The following PRIMA1 variants were observed in gnomAD, a reference collection of about 807,000 sequenced individuals.
PRIMA1 encodes proline-rich membrane anchor 1.
Under a neutral mutation model 17.5 loss-of-function variants are expected in PRIMA1, and 7 were observed. That is an observed-to-expected ratio of 0.40 (90% confidence interval 0.23 to 0.75). The LOEUF (loss-of-function observed/expected upper bound fraction) is 0.75, where lower values mean the gene tolerates loss of function less well. Ranked by LOEUF, PRIMA1 falls within the 30% of genes least tolerant of loss-of-function variation. The pLI is 0.37. For missense variants in PRIMA1, 200 were observed against 201.8 expected (o/e 0.99, Z 0.05); for synonymous variants, 97 against 77.9 (o/e 1.25, Z -1.29).
At chr14:93,722,798 T>C (rs2076050739) in intron 4 of PRIMA1, among the ~76,000 whole-genome samples, 1 of 152,152 alleles carries the variant, frequency 6.6e-6, no homozygotes, top group Admixed American at 6.5e-5. Flanking sequence ...GTAATGAAGA[T>C]GGGGTGGCGA....
chr14:93,757,264 T>C (rs113648581), intron 3 of PRIMA1, among the ~76,000 whole-genome samples: 39 of 152,178 alleles, frequency 2.6e-4, no homozygotes, highest in African/African-American at 8.4e-4. Context: ...TCTTACTTAA[T>C]GGCTGCCCCT....
intron 3 of PRIMA1, among the ~76,000 whole-genome samples, chr14:93,758,594 CAAAA>C (rs34329291): frequency 1.2e-5 from 1 of 81,340 alleles, no homozygotes; most frequent in Non-Finnish European, 2.3e-5. Flanking sequence ...GCAAGACTCT[CAAAA>C]AAAAAAAAAA....
intron 3 of PRIMA1, among the ~76,000 whole-genome samples, chr14:93,739,240 C>T (rs956883431): frequency 5.3e-5 from 8 of 151,908 alleles, no homozygotes; most frequent in South Asian, 2.1e-4. Context: ...TTAGTAGAGA[C>T]GGGGTTTCTC....
intron 3 of PRIMA1, among the ~76,000 whole-genome samples, chr14:93,758,333 C>G (rs1340545081): frequency 6.6e-6 from 1 of 152,080 alleles, no homozygotes; most frequent in Admixed American, 6.5e-5. Flanking sequence ...GGCCTGTAAT[C>G]CTAGCACTTT....
At chr14:93,783,810 C>T (rs939040702) in intron 2 of PRIMA1, among the ~76,000 whole-genome samples, 1 of 152,300 alleles carries the variant, frequency 6.6e-6, no homozygotes, top group Non-Finnish European at 1.5e-5. Flanking sequence ...GTACCTGTAG[C>T]AGAGGTCTGA....
At chr14:93,751,642 G>A (rs2076260106) in intron 3 of PRIMA1, among the ~76,000 whole-genome samples, 1 of 152,314 alleles carries the variant, frequency 6.6e-6, no homozygotes, top group Admixed American at 6.5e-5. Flanking sequence ...CCTAAGTCCT[G>A]TTTAAAAGGG....
intron 3 of PRIMA1, among the ~76,000 whole-genome samples, chr14:93,772,330 A>G (rs1342807369): frequency 6.6e-6 from 1 of 152,240 alleles, no homozygotes; most frequent in African/African-American, 2.4e-5. Flanking sequence ...TAAAATCTCT[A>G]TCAGTGCTTT....
chr14:93,736,514 C>T (rs1036585399), intron 4 of PRIMA1, among the ~76,000 whole-genome samples: 4 of 152,196 alleles, frequency 2.6e-5, no homozygotes, highest in African/African-American at 7.2e-5. Context: ...TTTGGGTTCT[C>T]GGCTGGGTGG....
At chr14:93,779,411 C>A in intron 2 of PRIMA1, 100 bp from the exon 3 acceptor site, 1 of 992,764 alleles carries the variant, frequency 1.0e-6, no homozygotes, top group African/African-American at 1.7e-5. Context: ...CAGGCTGGGA[C>A]TTGGGATTCC....
At chr14:93,745,144 G>A (rs2076209036) in intron 3 of PRIMA1, among the ~76,000 whole-genome samples, 1 of 152,114 alleles carries the variant, frequency 6.6e-6, no homozygotes, top group African/African-American at 2.4e-5. Flanking sequence ...CCTGCCCCAG[G>A]AAGCTGGGCT....
intron 3 of PRIMA1, among the ~76,000 whole-genome samples, chr14:93,737,791 G>T (rs997660926): frequency 1.3e-5 from 2 of 152,202 alleles, no homozygotes; most frequent in Non-Finnish European, 2.9e-5. Flanking sequence ...TCCCTGCCCC[G>T]GCGTGCTCAG....
chr14:93,774,544 T>C (rs1349989394), intron 3 of PRIMA1, among the ~76,000 whole-genome samples: 1 of 152,192 alleles, frequency 6.6e-6, no homozygotes, highest in Non-Finnish European at 1.5e-5. Context: ...GCAGGGAGCC[T>C]CCTGCCTGAT....
rs1245855556 is a variant in PRIMA1 at position 93,719,537 on chromosome 14, C to A, written c.*1907G>T. ...GGTGGTGTGTGCTTAGGGCTAGGGT[C>A]CTGCCCAGGGGTCTGCTTAGGGCAC... On this transcript the variant is annotated 3_prime_UTR_variant, in exon 5 of 5. Transcript: ENST00000393140. 1 of 152,620 alleles carries A rather than the reference C, an allele frequency of 6.6e-6. No individual in the cohort carries two copies. The highest frequency in any genetic ancestry group is 2.4e-5 in the African/African-American group (1 of 41,458). The allele number at this position is 152,620 out of a possible 1,614,324, so 9.5% of individuals were successfully genotyped here.
chr14:93,770,924 T>C (rs1158252140), intron 3 of PRIMA1, among the ~76,000 whole-genome samples: 2 of 152,208 alleles, frequency 1.3e-5, no homozygotes, highest in Non-Finnish European at 2.9e-5. Flanking sequence ...GGGCTATCAC[T>C]GAGGACCCAG....
In PRIMA1 at chr14:93,726,158, G is replaced by A. The variant is rs930525852; in HGVS notation, c.360-4612C>T. Among the ~76,000 whole-genome samples, 12 of 152,114 alleles carry A rather than the reference G, an allele frequency of 7.9e-5. No homozygotes were observed. The highest frequency in any genetic ancestry group is 2.9e-4 in the African/African-American group (12 of 41,428). ...TCCCACATTCCCTGCTCGGAGTGCC[G>A]CGCGGACAGCTCCAGCCGCACATGC... On this transcript the variant is annotated intron_variant, in intron 4 of 4. Transcript: ENST00000393140. The surrounding 1 kb of genome is among the most constrained non-coding windows in gnomAD (Gnocchi z 4.2).
rs2141151986 is a variant in PRIMA1, at chr14:93,726,744, G to A, written c.360-5198C>T. ...ACACACACACATATATGTACACACA[G>A]GCACATACGCATAAATGTACAAATC... On this transcript the variant is annotated intron_variant, in intron 4 of 4. Coordinates refer to ENST00000393140, the MANE Select transcript of PRIMA1 (RefSeq NM_178013.4). This position sits in a 1 kb window ranked among gnomAD's most constrained non-coding sequence, Gnocchi z 4.2. 6.6e-6 allele frequency among the ~76,000 whole-genome samples: 1 copy of A among 151,458 alleles called. No individual in the cohort carries two copies. The highest frequency in any genetic ancestry group is 1.9e-4 in the East Asian group (1 of 5,144).
chr14:93,777,299 C>T (rs1220174965), intron 3 of PRIMA1, among the ~76,000 whole-genome samples: 12 of 152,022 alleles, frequency 7.9e-5, no homozygotes, highest in Admixed American at 2.6e-4. Context: ...GCCTGGATGC[C>T]CTTTTCCCCC....
rs191305717 is a variant in PRIMA1 at position 93,753,186 on chromosome 14, T to C, written c.230-15816A>G. On this transcript the variant is annotated intron_variant, in intron 3 of 4. Transcript: ENST00000393140. ...AGTGCACTGCACCAATCCCAGCCAA[T>C]TGAAGGAGTTAAACTGGATGGCCTT... 2.4e-4 allele frequency among the ~76,000 whole-genome samples: 36 copies of C among 152,302 alleles called. 2 individuals are homozygous for C. In the Middle Eastern group the frequency reaches 0.01, roughly 43 times the overall value.
At chr14:93,728,814 T>C (rs1305398805) in intron 4 of PRIMA1, among the ~76,000 whole-genome samples, 2 of 152,166 alleles carry the variant, frequency 1.3e-5, no homozygotes, top group Admixed American at 6.5e-5. Flanking sequence ...CTGGGCTCCA[T>C]GCGCCCCACA....
Sources: allele counts gnomAD v4.1 joint callset (sites outside exome capture counted in the v4.1 genomes callset), GRCh38; gene constraint gnomAD v4.1.1; non-coding constraint Gnocchi (gnomAD v3.1); transcripts MANE v1.5; gene names NCBI Gene and HGNC (gene_info 2026-07-23, HGNC 2026-07-21).